MGA: variants seen among roughly 807,000 people sequenced by gnomAD.
MGA encodes MAX dimerization protein MGA, also known as MAX gene-associated protein.
A neutral mutation model predicts 261.1 loss-of-function variants in MGA; 40 were observed. The observed-to-expected ratio is 0.15, with a 90% CI of 0.12 to 0.20. The LOEUF (loss-of-function observed/expected upper bound fraction) is 0.20, where lower values mean the gene tolerates loss of function less well. MGA is among the 10% of genes least tolerant of loss of function. The pLI is 1.00. For missense variants in MGA, 3,397 were observed against 3,630.5 expected (o/e 0.94, Z 1.65); for synonymous variants, 1,302 against 1,290.6 (o/e 1.01, Z -0.19).
In MGA at chr15:41,669,033, G is replaced by A. The variant is rs2057915516; in HGVS notation, c.139G>A (p.Ala47Thr). 6.2e-7 allele frequency: 1 copy of A among 1,613,464 alleles called. No homozygotes were observed. Among genetic ancestry groups the A allele is most frequent in the Admixed American group, 1.7e-5 (1 of 59,990 alleles). Residue 47 changes from alanine (A) to threonine (T), a missense_variant, in exon 2 of 24, where the codon GCC (alanine) becomes ACC (threonine). Physicochemically the swap from Ala to Thr is moderately conservative, Grantham distance 58 (BLOSUM62 0). Coordinates refer to ENST00000219905, the MANE Select transcript of MGA (RefSeq NM_001164273.2). ...AGGAATTTTGGTTACTAATCAGGAT[G>A]CCTGTGCTTTGGCTAGTAGTGTGTC...
Position 41,696,450 on chromosome 15 carries a change from A to G in MGA, c.1440A>G (p.Thr480=). 2 of 1,614,038 alleles carry G rather than the reference A, an allele frequency of 1.2e-6. No individual in the cohort carries two copies. Among genetic ancestry groups the G allele is most frequent in the Non-Finnish European group, 1.7e-6 (2 of 1,179,906 alleles). ...AGCCCTGTGCTGTCACCAGAAGCAC[A>G]GTTAAGATTTCTGAACTCCCCGATA... Residue 480 remains threonine, a synonymous_variant, in exon 3 of 24, where the codon ACA becomes ACG. Transcript: ENST00000219905.
chr15:41,650,644 G>T (rs1324938398), intron 1 of MGA, among the ~76,000 whole-genome samples: 2 of 152,002 alleles, frequency 1.3e-5, no homozygotes. Context: ...CACCATGTTG[G>T]CCAGGCTGGT....
rs1390912070 is a variant in MGA at position 41,766,389 on chromosome 15, G to A, written c.8307G>A (p.Lys2769=). ...GTGAATCAAGAGGGGAGAGAGTGAA[G>A]TCAAAGGATTCTTCATTTCATAAAT... Residue 2769 remains lysine, a synonymous_variant, in exon 24 of 24, where the codon AAG becomes AAA. Transcript: ENST00000219905. The A allele has an allele frequency of 1.2e-6, 2 of 1,613,850 alleles. No homozygotes were observed. The highest frequency in any genetic ancestry group is 1.7e-5 in the Admixed American group (1 of 60,006).
chr15:41,705,062 C>T (rs2060039237), intron 5 of MGA, among the ~76,000 whole-genome samples: 1 of 152,156 alleles, frequency 6.6e-6, no homozygotes. Flanking sequence ...ATAGGTTTTT[C>T]ACAATATGCT....
chr15:41,695,488 A>G (rs1201821329), intron 2 of MGA, among the ~76,000 whole-genome samples: 1 of 152,092 alleles, frequency 6.6e-6, no homozygotes, highest in African/African-American at 2.4e-5. Context: ...CTCCTGCCCA[A>G]TTTTTTATTT....
chr15:41,647,930 C>T (rs1478425976), intron 1 of MGA, among the ~76,000 whole-genome samples: 1 of 152,122 alleles, frequency 6.6e-6, no homozygotes, highest in Non-Finnish European at 1.5e-5. Context: ...CTCTTTCAGC[C>T]CCTCCATGGA....
At chr15:41,697,622 G>C (rs1217389447) in intron 3 of MGA, among the ~76,000 whole-genome samples, 1 of 151,604 alleles carries the variant, frequency 6.6e-6, no homozygotes, top group Non-Finnish European at 1.5e-5. Context: ...TTGCAATGTT[G>C]GCCAGCTAAT....
At chr15:41,672,072 G>T (rs554281788) in intron 2 of MGA, among the ~76,000 whole-genome samples, 1 of 152,352 alleles carries the variant, frequency 6.6e-6, no homozygotes, top group East Asian at 1.9e-4. Flanking sequence ...ACAGTTTATT[G>T]TACCGTTGGA....
chr15:41,704,935 G>A (rs1457404444), intron 5 of MGA, among the ~76,000 whole-genome samples: 1 of 152,104 alleles, frequency 6.6e-6, no homozygotes, highest in Non-Finnish European at 1.5e-5. Flanking sequence ...TTTTTAAGAA[G>A]TAGCTTCTAA....
At chr15:41,704,067 C>T (rs2059988672) in intron 5 of MGA, among the ~76,000 whole-genome samples, 1 of 152,120 alleles carries the variant, frequency 6.6e-6, no homozygotes, top group African/African-American at 2.4e-5. Context: ...CCCGCCTTGG[C>T]CTCCTGAAGT....
In MGA at chr15:41,696,938, C is replaced by G. The variant is rs764542408; in HGVS notation, c.1928C>G (p.Pro643Arg). 1.2e-6 allele frequency: 2 copies of G among 1,603,668 alleles called. No individual in the cohort carries two copies. The highest frequency in any genetic ancestry group is 1.7e-6 in the Non-Finnish European group (2 of 1,174,718). The change falls in exon 3 of 24, where the codon CCT (proline) becomes CGT (arginine). Residue 643 changes from proline to arginine, a missense_variant. By Grantham distance (103) the Pro-to-Arg change is moderately radical (BLOSUM62 -2). Coordinates refer to ENST00000219905, the MANE Select transcript of MGA (RefSeq NM_001164273.2). Reference sequence around the variant, plus strand: ...TCTTTAATTTCTACAAAGAATACACCTGTAAGCCCTGGGAGTACCTTTCCA... The same window carrying G: ...TCTTTAATTTCTACAAAGAATACACGTGTAAGCCCTGGGAGTACCTTTCCA...
intron 9 of MGA, among the ~76,000 whole-genome samples, chr15:41,716,175 C>T (rs975259360): frequency 2.0e-5 from 3 of 151,706 alleles, no homozygotes; most frequent in East Asian, 1.9e-4. Context: ...TGGCTGGGCA[C>T]GGTGGCGCAG....
chr15:41,656,373 T>A (rs1301419732), upstream of MGA, among the ~76,000 whole-genome samples: 6 of 136,660 alleles, frequency 4.4e-5, no homozygotes, highest in South Asian at 5.0e-4. Context: ...TCTCTCTCTC[T>A]CTCTCACACC....
At chr15:41,656,365 T>TCTCTCTCTCCTCTCTCTCTCTCTCTCTC (rs2057188293), upstream of MGA, among the ~76,000 whole-genome samples, 2 of 139,294 alleles carry the variant, frequency 1.4e-5, no homozygotes, top group Non-Finnish European at 1.6e-5. Flanking sequence ...TCTCTCTCTC[T>TCTCTCTCTCCTCTCTCTCTCTCTCTCTC]CTCTCTCTCT....
chr15:41,668,846 A>T lies in MGA; in HGVS notation c.-49A>T. The T allele has an allele frequency of 7.2e-7, 1 of 1,381,424 alleles. No homozygotes were observed. Among genetic ancestry groups the T allele is most frequent in the Non-Finnish European group, 9.7e-7 (1 of 1,026,362 alleles). The allele number at this position is 1,381,424 out of a possible 1,614,324, so 85.6% of individuals were successfully genotyped here. A position where few individuals can be genotyped will look rare whatever the true frequency, so the allele number is the denominator to read the frequency against. Reference sequence around the variant, plus strand: ...TTCTTAGGATGGGAAGGCCATTGTGACTATGTGGTGATTACAGTTGTCTTA... The same window carrying T: ...TTCTTAGGATGGGAAGGCCATTGTGTCTATGTGGTGATTACAGTTGTCTTA... On this transcript the variant is annotated 5_prime_UTR_variant, in exon 2 of 24. An upstream open reading frame in the 5' UTR loses its in-frame stop. Coordinates refer to ENST00000219905, the MANE Select transcript of MGA (RefSeq NM_001164273.2).
intron 22 of MGA, 107 bp downstream of exon 22, chr15:41,762,469 T>TTTTG: frequency 1.6e-6 from 1 of 626,416 alleles, no homozygotes; most frequent in East Asian, 3.6e-5. Context: ...TGGTTTTTTT[T>TTTTG]TTTTTTTTTT....
chr15:41,691,684 G>A, intron 2 of MGA: 1 of 513,330 alleles, frequency 1.9e-6, no homozygotes, highest in South Asian at 1.5e-5. Flanking sequence ...GGCTTCTTTT[G>A]GTAGGTATAG....
At chr15:41,706,959 A>T (rs2060150475) in intron 5 of MGA, among the ~76,000 whole-genome samples, 1 of 152,182 alleles carries the variant, frequency 6.6e-6, no homozygotes, top group Non-Finnish European at 1.5e-5. Context: ...ATTGCCTCTT[A>T]ACCTATAAAT....
intron 1 of MGA, among the ~76,000 whole-genome samples, chr15:41,649,753 C>T (rs1445614499): frequency 6.6e-6 from 1 of 152,170 alleles, no homozygotes; most frequent in African/African-American, 2.4e-5. Flanking sequence ...AATTTCAGCT[C>T]ACTGCAACCT....
Sources: allele counts gnomAD v4.1 joint callset (sites outside exome capture counted in the v4.1 genomes callset), GRCh38; gene constraint gnomAD v4.1.1; transcripts MANE v1.5; gene names NCBI Gene and HGNC (gene_info 2026-07-23, HGNC 2026-07-21).